The following DNAJC3 variants were observed in gnomAD, a reference collection of about 807,000 sequenced individuals.
DNAJC3 encodes the protein DnaJ heat shock protein family (Hsp40) member C3.
A neutral mutation model predicts 68.6 loss-of-function variants in DNAJC3; 38 were observed. The observed-to-expected ratio is 0.55, with a 90% confidence interval of 0.43 to 0.73. DNAJC3 has a LOEUF of 0.73. Among genes scored for constraint, DNAJC3 ranks in the 30% least tolerant of loss-of-function variants. The pLI is 0.00. For missense variants in DNAJC3, 526 were observed against 591.9 expected, an observed-to-expected ratio of 0.89 and a Z score of 1.16; for synonymous variants, 203 against 204.0, an observed-to-expected ratio of 1.00 and a Z score of 0.04.
At chr13:95,691,497 G>A (rs2139605760) in intron 1 of DNAJC3, among the ~76,000 whole-genome samples, 1 of 152,052 alleles carries the variant, frequency 6.6e-6, no homozygotes, top group South Asian at 2.1e-4. Context: ...CAGATGTGAT[G>A]GCGGCCGGGA....
At chr13:95,752,745 C>T (rs1882519612) in intron 4 of DNAJC3, among the ~76,000 whole-genome samples, 1 of 152,044 alleles carries the variant, frequency 6.6e-6, no homozygotes, top group East Asian at 1.9e-4. Context: ...ACTCACAGAC[C>T]CCTGAAAGGG....
intron 3 of DNAJC3, among the ~76,000 whole-genome samples, chr13:95,724,343 G>A (rs547733344): frequency 1.3e-5 from 2 of 152,184 alleles, no homozygotes; most frequent in Non-Finnish European, 2.9e-5. Flanking sequence ...TATTAATGTG[G>A]CTTCATTGGT....
Position 95,715,482 on chromosome 13 carries a change from T to C in DNAJC3, c.193+6145T>C, listed in dbSNP as rs1467956568. Among the ~76,000 whole-genome samples, 3 of 151,630 alleles carry C rather than the reference T, an allele frequency of 2.0e-5. No individual in the cohort carries two copies. The East Asian group carries it at 5.8e-4, about 30-fold the overall frequency. Reference sequence around the variant, plus strand: ...TGGGATACACATCATAGTTTCTTTTTCTTTTTTTTTTTTTTTTTGAGACGG... The same window carrying C: ...TGGGATACACATCATAGTTTCTTTTCCTTTTTTTTTTTTTTTTTGAGACGG... On this transcript the variant is annotated intron_variant, in intron 2 of 11. Coordinates refer to ENST00000602402, the MANE Select transcript of DNAJC3 (RefSeq NM_006260.5).
intron 9 of DNAJC3, among the ~76,000 whole-genome samples, chr13:95,783,748 A>C (rs1161791370): frequency 1.3e-5 from 2 of 151,916 alleles, no homozygotes; most frequent in Non-Finnish European, 2.9e-5. Flanking sequence ...TTGTTGTAGG[A>C]CTCTTTCCTT....
At chr13:95,711,631 C>G (rs898932083) in intron 2 of DNAJC3, among the ~76,000 whole-genome samples, 1 of 151,968 alleles carries the variant, frequency 6.6e-6, no homozygotes, top group Non-Finnish European at 1.5e-5. Flanking sequence ...AGCCATTCCA[C>G]GCAAATAAAG....
chr13:95,695,687 A>T (rs1400476960), intron 1 of DNAJC3: 1 of 152,186 alleles, frequency 6.6e-6, no homozygotes, highest in African/African-American at 2.4e-5. Context: ...CCCTAATTGA[A>T]AATAAGCTAC....
chr13:95,704,100 A>T (rs1044548975), intron 1 of DNAJC3, among the ~76,000 whole-genome samples: 3 of 152,174 alleles, frequency 2.0e-5, no homozygotes, highest in Admixed American at 6.5e-5. Flanking sequence ...GGTTTCAGTG[A>T]CATAAGAAGT....
chr13:95,685,316 G>A (rs1269360147), intron 1 of DNAJC3, among the ~76,000 whole-genome samples: 1 of 152,242 alleles, frequency 6.6e-6, no homozygotes, highest in African/African-American at 2.4e-5. Flanking sequence ...TGCCCTGCTG[G>A]GTTTTAGCAC....
Position 95,760,698 on chromosome 13 carries a change from A to G in DNAJC3, c.748A>G (p.Lys250Glu). The G allele has an allele frequency of 2.5e-6, 4 of 1,611,164 alleles. No homozygotes were observed. Among genetic ancestry groups the G allele is most frequent in the Non-Finnish European group, 3.4e-6 (4 of 1,178,838 alleles). The change falls in exon 7 of 12, where the codon AAA becomes GAA. Residue 250 changes from lysine (K) to glutamate (E), a missense_variant. Coordinates refer to ENST00000602402, the MANE Select transcript of DNAJC3 (RefSeq NM_006260.5). The stretch of plus-strand genomic sequence containing the variant: ...GAACAGTGAAGTTCGGGAATGTCTT[A>G]AACTTGACCAGGATCATAAAAGGTG... Reference protein sequence around the residue: ...LSLSEVRECLKLDQDHKRCFA... With the variant: ...LSLSEVRECLELDQDHKRCFA...
intron 1 of DNAJC3, among the ~76,000 whole-genome samples, chr13:95,691,740 G>A (rs997150243): frequency 4.0e-4 from 61 of 152,272 alleles, no homozygotes; most frequent in Non-Finnish European, 2.2e-4. Context: ...CCGAGATCAC[G>A]CCACTGCACT....
rs1447840822 is a variant in DNAJC3, at chr13:95,791,192, T to C, written c.*162T>C. 3 of 818,180 alleles carry C rather than the reference T, an allele frequency of 3.7e-6. No homozygotes were observed. The highest frequency in any genetic ancestry group is 3.8e-6 in the Non-Finnish European group (2 of 530,128). 50.7% of individuals were successfully genotyped at this position (818,180 alleles called of 1,614,324 possible). ...TCTGTTCTTATCCCTGTCAGATTTA[T>C]GGTTAATGGGTTTGCAACGGCAAGG... On this transcript the variant is annotated 3_prime_UTR_variant, in exon 12 of 12. Transcript: ENST00000602402.
At position 95,787,162 on chromosome 13, in the gene DNAJC3, T is replaced by C. The variant is rs925281679; in HGVS notation, c.1357+7T>C. Reference sequence around the variant, plus strand: ...GAAGTCCTCTCTGATCCAGGTATTATTAGCTTTTATTCCTTTGACTCATCC... The same window carrying C: ...GAAGTCCTCTCTGATCCAGGTATTACTAGCTTTTATTCCTTTGACTCATCC... On this transcript the variant is annotated splice_region_variant and intron_variant, in intron 11 of 11. Coordinates refer to ENST00000602402, the MANE Select transcript of DNAJC3 (RefSeq NM_006260.5). 32 of 1,607,830 alleles carry C rather than the reference T, an allele frequency of 2.0e-5. No individual in the cohort carries two copies. The highest frequency in any genetic ancestry group is 2.7e-5 in the Non-Finnish European group (32 of 1,178,414).
At chr13:95,709,948 CT>C in intron 2 of DNAJC3, among the ~76,000 whole-genome samples, 1 of 152,264 alleles carries the variant, frequency 6.6e-6, no homozygotes, top group East Asian at 1.9e-4. Flanking sequence ...CAGCTTCTGA[CT>C]TTTTGAACAG....
intron 9 of DNAJC3, among the ~76,000 whole-genome samples, chr13:95,767,763 C>G (rs1278993532): frequency 6.7e-6 from 1 of 150,154 alleles, no homozygotes; most frequent in Non-Finnish European, 1.5e-5. Flanking sequence ...AATATGGGCT[C>G]ACTGCAACCT....
chr13:95,695,543 C>G (rs1234773548), intron 1 of DNAJC3: 1 of 152,240 alleles, frequency 6.6e-6, no homozygotes, highest in Non-Finnish European at 1.5e-5. Context: ...AATGCCTGTT[C>G]TGAATTTTAG....
intron 4 of DNAJC3, among the ~76,000 whole-genome samples, chr13:95,750,213 T>C (rs1882430690): frequency 6.8e-6 from 1 of 147,780 alleles, no homozygotes; most frequent in Admixed American, 7.0e-5. Context: ...CATCAATCTC[T>C]TCAATAAATG....
At chr13:95,783,261 A>G (rs192043605) in intron 9 of DNAJC3, among the ~76,000 whole-genome samples, 155 of 152,312 alleles carry the variant, frequency 1.0e-3, no homozygotes, top group African/African-American at 3.4e-3. Context: ...GAATATAGGA[A>G]ACAACCTATA....
chr13:95,754,582 C>T (rs2139670003), intron 4 of DNAJC3, among the ~76,000 whole-genome samples: 1 of 152,018 alleles, frequency 6.6e-6, no homozygotes, highest in Non-Finnish European at 1.5e-5. Context: ...TGCAGTGGCT[C>T]ACGCCTGTAA....
At chr13:95,771,537 A>G (rs1883159886) in intron 9 of DNAJC3, among the ~76,000 whole-genome samples, 1 of 152,178 alleles carries the variant, frequency 6.6e-6, no homozygotes, top group South Asian at 2.1e-4. Context: ...CCAGGGTCAT[A>G]TGGAGAGTGG....
Sources: allele counts gnomAD v4.1 joint callset (sites outside exome capture counted in the v4.1 genomes callset), GRCh38; gene constraint gnomAD v4.1.1; transcripts MANE v1.5; gene names NCBI Gene and HGNC (gene_info 2026-07-23, HGNC 2026-07-21).